Variants in ANO2 observed in about 807,000 individuals in gnomAD.
ANO2 encodes anoctamin-2.
A neutral mutation model predicts 124.2 loss-of-function variants in ANO2; 101 were observed. The ratio of observed to expected loss-of-function variants is 0.81; its 90% CI spans 0.69 to 0.96. ANO2 has a LOEUF of 0.96. Among genes scored for constraint, ANO2 ranks in the 40% least tolerant of loss-of-function variants. The probability of loss-of-function intolerance (pLI) is 0.00; values close to 1 mark genes in which losing one functional copy is unlikely to be tolerated. For missense variants in ANO2, 1,293 were observed against 1,274.5 expected, an observed-to-expected ratio of 1.01 and a Z score of -0.22; for synonymous variants, 486 against 482.5, an observed-to-expected ratio of 1.01 and a Z score of -0.09.
rs544728360 is a variant in ANO2, at chr12:5,659,778, C to T, written c.1546-11977G>A. ...CTTTCTTTTTCTCAGCTCGCTGCCT[C>T]GTCCTCCCTGGGTTCCAGTACTGGG... is the stretch of plus-strand genomic sequence containing the variant. On this transcript the variant is annotated intron_variant, in intron 14 of 24. Coordinates refer to ENST00000682330, the MANE Select transcript of ANO2 (RefSeq NM_001364791.2). Among the ~76,000 whole-genome samples the T allele has an allele frequency of 8.0e-4, 122 of 152,244 alleles. 1 individual carries two copies. Among genetic ancestry groups the T allele is most frequent in the Admixed American group, 1.6e-3 (25 of 15,300 alleles).
chr12:5,922,923 C>T lies in ANO2; in HGVS notation c.23-119G>A, dbSNP rs868366657. ...GAAAATGGCCCATTTTGCTTCACAG[C>T]TGCCTCCTTGGTTAGTCCCTAAAGC... On this transcript the variant is annotated intron_variant, in intron 1 of 24. Coordinates refer to ENST00000682330, the MANE Select transcript of ANO2 (RefSeq NM_001364791.2). The T allele has an allele frequency of 2.8e-6, 3 of 1,087,862 alleles. No homozygotes were observed. The East Asian group carries it at 9.2e-5, about 33-fold the overall frequency. The allele number at this position is 1,087,862 out of a possible 1,614,324, so 67.4% of individuals were successfully genotyped here.
chr12:5,941,075 A>T (rs1942875568), intron 1 of ANO2, among the ~76,000 whole-genome samples: 1 of 152,222 alleles, frequency 6.6e-6, no homozygotes, highest in Non-Finnish European at 1.5e-5. Flanking sequence ...CAGAAAGTGG[A>T]TTCGCGGTTG....
intron 7 of ANO2, among the ~76,000 whole-genome samples, chr12:5,812,299 AAAG>A (rs142412551): frequency 8.3e-6 from 1 of 120,352 alleles, no homozygotes; most frequent in East Asian, 3.0e-4. Flanking sequence ...CAGGGGAAAG[AAAG>A]AAGAGGAAGG....
chr12:5,705,955 AG>A (rs1312354835), intron 14 of ANO2, among the ~76,000 whole-genome samples: 1 of 152,196 alleles, frequency 6.6e-6, no homozygotes, highest in African/African-American at 2.4e-5. Context: ...CTTGGGAATG[AG>A]GAAGAGTCTT....
intron 1 of ANO2, among the ~76,000 whole-genome samples, chr12:5,933,110 C>T (rs552939121): frequency 6.6e-6 from 1 of 152,314 alleles, no homozygotes; most frequent in Non-Finnish European, 1.5e-5. Context: ...TTGAGGGGCA[C>T]AGAAAGGGCC....
At chr12:5,843,754 T>C (rs1954598397) in intron 4 of ANO2, among the ~76,000 whole-genome samples, 1 of 152,148 alleles carries the variant, frequency 6.6e-6, no homozygotes, top group Non-Finnish European at 1.5e-5. Context: ...ACATCTCTTA[T>C]CATCCTGAGC....
chr12:5,757,819 G>A (rs1444358642), intron 10 of ANO2, among the ~76,000 whole-genome samples: 1 of 152,172 alleles, frequency 6.6e-6, no homozygotes, highest in African/African-American at 2.4e-5. Context: ...AGAATGGGAG[G>A]ATGCGATAGT....
intron 14 of ANO2, among the ~76,000 whole-genome samples, chr12:5,673,705 C>G (rs1276622561): frequency 6.6e-6 from 1 of 152,186 alleles, no homozygotes; most frequent in East Asian, 1.9e-4. Context: ...ATTTCAGAAC[C>G]AGTCCCGTGA....
intron 3 of ANO2, among the ~76,000 whole-genome samples, chr12:5,894,900 A>G (rs1939667276): frequency 6.6e-6 from 1 of 152,116 alleles, no homozygotes; most frequent in Non-Finnish European, 1.5e-5. Flanking sequence ...GTAGGCTTGT[A>G]GTATAGTTTG....
chr12:5,882,275 TAGA>T (rs1193682195), intron 3 of ANO2, among the ~76,000 whole-genome samples: 1 of 152,154 alleles, frequency 6.6e-6, no homozygotes, highest in Non-Finnish European at 1.5e-5. Flanking sequence ...CCAGGTACAC[TAGA>T]AGGAGGTGGA....
chr12:5,899,548 A>G (rs10774384), intron 3 of ANO2, among the ~76,000 whole-genome samples: 58,361 of 152,108 alleles, frequency 0.38, 13,757 homozygotes, highest in South Asian at 0.59. Flanking sequence ...ACTTCACAAC[A>G]ATTTTGTTAA....
At position 5,658,248 on chromosome 12, in the gene ANO2, CAAAG is replaced by C. The variant is rs1332044525; in HGVS notation, c.1546-10451_1546-10448del. Reference sequence around the variant, plus strand: ...TATACCTCCACTTCCTCACCCATAACAAAGAGATTGAAAATAGTGCCAACGGTAT... The same window carrying C: ...TATACCTCCACTTCCTCACCCATAACAGATTGAAAATAGTGCCAACGGTAT... On this transcript the variant is annotated intron_variant, in intron 14 of 24. Transcript: ENST00000682330. The surrounding 1 kb of genome is among the most constrained non-coding windows in gnomAD (Gnocchi z 4.3). 6.6e-6 allele frequency among the ~76,000 whole-genome samples: 1 copy of C among 152,158 alleles called. No individual in the cohort carries two copies. Among genetic ancestry groups the C allele is most frequent in the African/African-American group, 2.4e-5 (1 of 41,436 alleles).
At chr12:5,620,760 G>A (rs777149250) in intron 16 of ANO2, among the ~76,000 whole-genome samples, 13 of 152,036 alleles carry the variant, frequency 8.6e-5, no homozygotes, top group East Asian at 5.8e-4. Context: ...ATGGCCCCCC[G>A]AGATAAAAGA....
chr12:5,615,826 A>G (rs1361677710), intron 16 of ANO2, among the ~76,000 whole-genome samples: 2 of 152,166 alleles, frequency 1.3e-5, no homozygotes, highest in Non-Finnish European at 2.9e-5. Context: ...AATGCAGGAA[A>G]GCATTCATCT....
chr12:5,761,163 T>C (rs897291933), intron 10 of ANO2, among the ~76,000 whole-genome samples: 10 of 151,834 alleles, frequency 6.6e-5, no homozygotes, highest in African/African-American at 2.2e-4. Flanking sequence ...CATCCAAAAC[T>C]CCTTCTTAGA....
At chr12:5,741,820 G>C (rs1050454803) in intron 12 of ANO2, among the ~76,000 whole-genome samples, 1 of 152,126 alleles carries the variant, frequency 6.6e-6, no homozygotes, top group African/African-American at 2.4e-5. Context: ...TAAGTAATCT[G>C]CCCAAGGTAA....
intron 10 of ANO2, among the ~76,000 whole-genome samples, chr12:5,797,944 G>A (rs1405050366): frequency 1.3e-5 from 2 of 152,226 alleles, no homozygotes; most frequent in Admixed American, 6.5e-5. Flanking sequence ...GGCTGCTTTG[G>A]TGGCCAAAAC....
upstream of ANO2, chr12:5,946,124 T>A (rs1943089440): frequency 1.9e-6 from 3 of 1,612,532 alleles, no homozygotes; most frequent in African/African-American, 4.0e-5. The surrounding 1 kb of genome is among the most constrained non-coding windows in gnomAD (Gnocchi z 4.1). Context: ...TATGTTAAGG[T>A]CAAGTATGCC....
intron 4 of ANO2, among the ~76,000 whole-genome samples, chr12:5,835,390 C>G (rs1402044901): frequency 6.6e-6 from 1 of 152,282 alleles, no homozygotes; most frequent in East Asian, 1.9e-4. Flanking sequence ...ACAGTGTGAA[C>G]AGTGACAAAA....
Sources: allele counts gnomAD v4.1 joint callset (sites outside exome capture counted in the v4.1 genomes callset), GRCh38; gene constraint gnomAD v4.1.1; non-coding constraint Gnocchi (gnomAD v3.1); transcripts MANE v1.5; gene names NCBI Gene and HGNC (gene_info 2026-07-23, HGNC 2026-07-21).